Variants in TFCP2L1 observed in about 807,000 individuals in gnomAD.
The protein encoded by TFCP2L1 is transcription factor CP2-like protein 1.
In TFCP2L1, 12 loss-of-function variants were observed where a neutral mutation model predicts 72.2. The ratio of observed to expected loss-of-function variants is 0.17; its 90% CI spans 0.11 to 0.27. The LOEUF (loss-of-function observed/expected upper bound fraction) is 0.27. TFCP2L1 is among the 10% of genes least tolerant of loss of function. TFCP2L1 has a pLI of 1.00. For synonymous variants in TFCP2L1, 260 were observed against 251.0 expected (o/e 1.04, Z -0.34); for missense variants, 488 against 624.6 (o/e 0.78, Z 2.33).
chr2:121,243,931 A>G (rs1391623609), intron 6 of TFCP2L1, among the ~76,000 whole-genome samples: 1 of 152,184 alleles, frequency 6.6e-6, no homozygotes, highest in East Asian at 1.9e-4. Flanking sequence ...TCTTCCACAG[A>G]ACCAGTCCCT....
At chr2:121,282,265 G>T (rs1387744690) in intron 1 of TFCP2L1, among the ~76,000 whole-genome samples, 1 of 137,586 alleles carries the variant, frequency 7.3e-6, no homozygotes, top group Non-Finnish European at 1.5e-5. Context: ...GGGAAATCTT[G>T]AAATCCTTGC....
chr2:121,229,007 C>T (rs1016044336), intron 13 of TFCP2L1, among the ~76,000 whole-genome samples: 3 of 152,172 alleles, frequency 2.0e-5, no homozygotes, highest in East Asian at 1.9e-4. Flanking sequence ...GAAACCTCTG[C>T]CTCCAGGGTT....
intron 8 of TFCP2L1, among the ~76,000 whole-genome samples, chr2:121,238,541 G>A (rs1374277539): frequency 6.6e-6 from 1 of 152,124 alleles, no homozygotes; most frequent in Non-Finnish European, 1.5e-5. Context: ...TAAATTTTGT[G>A]TTATGTATAT....
At chr2:121,267,540 C>G (rs1319052466) in intron 2 of TFCP2L1, among the ~76,000 whole-genome samples, 1 of 151,618 alleles carries the variant, frequency 6.6e-6, no homozygotes, top group Non-Finnish European at 1.5e-5. Flanking sequence ...GTCACTCAGG[C>G]TGGAGTGCAG....
rs1426433887 is a variant in TFCP2L1 at position 121,245,165 on chromosome 2, T to C, written c.657+1653A>G. ...CATCCTTACAAAAGGAAGAGGGAGG[T>C]AGACGAGGAGGTTGGGGCCGCCATG... On this transcript the variant is annotated intron_variant, in intron 6 of 14. Coordinates refer to ENST00000263707, the MANE Select transcript of TFCP2L1 (RefSeq NM_014553.3). 2.0e-5 allele frequency among the ~76,000 whole-genome samples: 3 copies of C among 151,762 alleles called. No individual in the cohort carries two copies. The East Asian group carries it at 5.8e-4, about 30-fold the overall frequency.
intron 12 of TFCP2L1, 52 bp downstream of exon 12, chr2:121,234,039 C>T: frequency 6.5e-7 from 1 of 1,541,492 alleles, no homozygotes; most frequent in East Asian, 2.2e-5. Flanking sequence ...GGCTTGAAAG[C>T]CAGGCTGCGG....
chr2:121,270,429 C>T (rs769798995), intron 2 of TFCP2L1, among the ~76,000 whole-genome samples: 1 of 152,202 alleles, frequency 6.6e-6, no homozygotes, highest in Non-Finnish European at 1.5e-5. Context: ...TCCGGCAGTA[C>T]CTACCAAAAT....
In TFCP2L1 at chr2:121,237,845, G is replaced by A. The variant is rs768645367; in HGVS notation, c.866C>T (p.Ala289Val). Residue 289 changes from alanine (A) to valine (V), a missense_variant, in exon 9 of 15, where the codon GCC (alanine) becomes GTC (valine). Physicochemically the swap from Ala to Val is moderately conservative, Grantham distance 64. Coordinates refer to ENST00000263707, the MANE Select transcript of TFCP2L1 (RefSeq NM_014553.3). ...PNSFGLGEGN[A>V]SPTHPVEALP... ...GGCCTCCACCGGGTGGGTCGGAGAG[G>A]CGTTGCTGCAAGGAAAAGGAACCAG... The A allele has an allele frequency of 1.9e-6, 3 of 1,614,088 alleles. No homozygotes were observed. The highest frequency in any genetic ancestry group is 1.7e-6 in the Non-Finnish European group (2 of 1,179,998).
At chr2:121,246,727 T>C in intron 6 of TFCP2L1, 91 bp downstream of exon 6, 1 of 1,537,342 alleles carries the variant, frequency 6.5e-7, no homozygotes. Flanking sequence ...TCGCTGGGCC[T>C]GTAAGAGGAA....
intron 13 of TFCP2L1, among the ~76,000 whole-genome samples, chr2:121,228,133 T>A (rs1686068062): frequency 6.6e-6 from 1 of 152,194 alleles, no homozygotes; most frequent in African/African-American, 2.4e-5. Flanking sequence ...CAAGGAGACT[T>A]TGGGGAATGA....
At chr2:121,228,173 G>A (rs1049632259) in intron 13 of TFCP2L1, among the ~76,000 whole-genome samples, 3 of 152,228 alleles carry the variant, frequency 2.0e-5, no homozygotes, top group Non-Finnish European at 4.4e-5. Flanking sequence ...GGTGGCATTT[G>A]GGTTCTGCTC....
In TFCP2L1 at chr2:121,237,888, G is replaced by T. The variant is rs760184019; in HGVS notation, c.861-38C>A. The T allele has an allele frequency of 5.0e-6, 8 of 1,610,612 alleles. No homozygotes were observed. In the South Asian group the frequency reaches 8.8e-5, roughly 18 times the overall value. ...GGAACCAGTGATGAGGACAGAGGGGGCTCCCAGGGCAATGGCCACGGTCCC... is the reference window on the plus strand; with the variant it reads ...GGAACCAGTGATGAGGACAGAGGGGTCTCCCAGGGCAATGGCCACGGTCCC... On this transcript the variant is annotated intron_variant, in intron 8 of 14. Transcript: ENST00000263707.
chr2:121,243,334 A>G (rs1686416131), intron 6 of TFCP2L1, among the ~76,000 whole-genome samples: 1 of 152,202 alleles, frequency 6.6e-6, no homozygotes, highest in Admixed American at 6.5e-5. Flanking sequence ...AGGGATTTTC[A>G]TTCCAGGGGG....
chr2:121,242,506 C>T, intron 6 of TFCP2L1, 37 bp from the exon 7 acceptor site: 1 of 1,598,728 alleles, frequency 6.3e-7, no homozygotes, highest in Non-Finnish European at 8.6e-7. Flanking sequence ...AGCCCAAAAC[C>T]AACACAGGCA....
intron 5 of TFCP2L1, among the ~76,000 whole-genome samples, chr2:121,247,255 C>T (rs1573373717): frequency 6.6e-6 from 1 of 152,152 alleles, no homozygotes; most frequent in African/African-American, 2.4e-5. Context: ...ACCCCAATAA[C>T]CTCAACCTAA....
At position 121,220,118 on chromosome 2, in the gene TFCP2L1, G is replaced by A. The variant is rs947646487; in HGVS notation, c.*4223C>T. 4 of 151,146 alleles carry A rather than the reference G, an allele frequency of 2.6e-5. No homozygotes were observed. The highest frequency in any genetic ancestry group is 9.7e-5 in the African/African-American group (4 of 41,110). 9.4% of individuals were successfully genotyped at this position (151,146 alleles called of 1,614,324 possible). On this transcript the variant is annotated 3_prime_UTR_variant, in exon 15 of 15. Coordinates refer to ENST00000263707, the MANE Select transcript of TFCP2L1 (RefSeq NM_014553.3). The stretch of plus-strand genomic sequence containing the variant: ...CCGTTTATTTCATCGACTTGTTAAT[G>A]ATTTTCAGATCTTCAGTTACTCAGG...
intron 2 of TFCP2L1, among the ~76,000 whole-genome samples, chr2:121,250,403 T>TAA (rs1686583419): frequency 6.6e-6 from 1 of 151,466 alleles, no homozygotes; most frequent in Non-Finnish European, 1.5e-5. Context: ...TATATATATA[T>TAA]AATCTCAAAT....
chr2:121,247,550 TAA>T (rs368752705), intron 5 of TFCP2L1, among the ~76,000 whole-genome samples: 14 of 142,854 alleles, frequency 9.8e-5, no homozygotes, highest in East Asian at 2.0e-4. Context: ...ATTGTAATTG[TAA>T]AAAAAAAAAA....
chr2:121,268,984 CATA>C (rs1686988805), intron 2 of TFCP2L1, among the ~76,000 whole-genome samples: 1 of 150,522 alleles, frequency 6.6e-6, no homozygotes, highest in South Asian at 2.1e-4. Context: ...CCTTATGCAC[CATA>C]ATAAATGTCA....
Sources: allele counts gnomAD v4.1 joint callset (sites outside exome capture counted in the v4.1 genomes callset), GRCh38; gene constraint gnomAD v4.1.1; transcripts MANE v1.5; gene names NCBI Gene and HGNC (gene_info 2026-07-23, HGNC 2026-07-21).